Variants in BPIFB4 observed in about 807,000 individuals in gnomAD.
The protein encoded by BPIFB4 is BPI fold containing family B member 4.
In BPIFB4, 62 loss-of-function variants were observed where a neutral mutation model predicts 69.2. The ratio of observed to expected loss-of-function variants is 0.90; its 90% CI spans 0.73 to 1.11. The LOEUF is 1.11. Ranked by LOEUF, BPIFB4 falls within the 50% of genes least tolerant of loss-of-function variation. The pLI is 0.00. For missense variants in BPIFB4, 789 were observed against 792.0 expected (o/e 1.00, Z 0.04); for synonymous variants, 330 against 332.7 (o/e 0.99, Z 0.09).
rs897997601 is a variant in BPIFB4, at chr20:33,107,651, A to G, written c.1745-93A>G. On this transcript the variant is annotated intron_variant, in intron 16 of 17. Coordinates refer to ENST00000375483, the MANE Select transcript of BPIFB4 (RefSeq NM_182519.3). ...ACTCTGTCTCAAAAAAAGAAAAAAG[A>G]AATTGCCAATCTTCTTACAAATACT... The G allele has an allele frequency of 1.4e-5, 14 of 970,186 alleles. No individual in the cohort carries two copies. The African/African-American group carries it at 2.3e-4, about 16-fold the overall frequency. The allele number at this position is 970,186 out of a possible 1,614,324, so 60.1% of individuals were successfully genotyped here.
chr20:33,087,753 C>CACACACAA lies in BPIFB4; in HGVS notation c.927-1212_927-1211insCACACAAA, dbSNP rs56030970. On this transcript the variant is annotated intron_variant, in intron 7 of 17. Coordinates refer to ENST00000375483, the MANE Select transcript of BPIFB4 (RefSeq NM_182519.3). ...ACACACACACACACACACACACACA[C>CACACACAA]AAGCATGCATGCATACACACACATA... is the stretch of plus-strand genomic sequence containing the variant. 7.3e-3 allele frequency among the ~76,000 whole-genome samples: 1,028 copies of CACACACAA among 140,838 alleles called. 14 individuals carry two copies. Among genetic ancestry groups the CACACACAA allele is most frequent in the African/African-American group, 0.016 (592 of 37,062 alleles). 92.4% of individuals were successfully genotyped at this position (140,838 alleles called of 152,430 possible). A position where few individuals can be genotyped will look rare whatever the true frequency, so the allele number is the denominator to read the frequency against.
At position 33,093,919 on chromosome 20, in the gene BPIFB4, A is replaced by G. The variant is rs181490880; in HGVS notation, c.1345-1181A>G. Among the ~76,000 whole-genome samples the G allele has an allele frequency of 3.2e-4, 48 of 152,160 alleles. No individual in the cohort carries two copies. In the East Asian group the frequency reaches 8.9e-3, roughly 28 times the overall value. On this transcript the variant is annotated intron_variant, in intron 11 of 17. Transcript: ENST00000375483. Reference sequence around the variant, plus strand: ...CCACCCACTCACCCATTATCAATCTATCTGTCTGATCTGTCTGTCTGTCTC... The same window carrying G: ...CCACCCACTCACCCATTATCAATCTGTCTGTCTGATCTGTCTGTCTGTCTC...
chr20:33,096,799 G>C (rs79152157), intron 12 of BPIFB4, among the ~76,000 whole-genome samples: 3 of 152,202 alleles, frequency 2.0e-5, no homozygotes, highest in African/African-American at 7.2e-5. Flanking sequence ...TGGGCTGCAC[G>C]GAGTCACCAG....
At position 33,083,489 on chromosome 20, in the gene BPIFB4, C is replaced by T; in HGVS notation, c.292C>T (p.Gln98Ter). ...GHIETNDNTA[Q>*]LGGKYRYGEI... ...CATTGAGACCAACGACAACACTGCT[C>T]AGCTGGGGGGCAAATACCGATATGG... The change falls in exon 5 of 18, where the codon CAG becomes TAG. Residue 98 changes from glutamine (Q) to a stop codon, truncating the protein, a stop_gained. Transcript: ENST00000375483. LOFTEE classifies it high-confidence loss of function. 1.2e-6 allele frequency: 2 copies of T among 1,613,784 alleles called. No individual in the cohort carries two copies. The highest frequency in any genetic ancestry group is 1.7e-6 in the Non-Finnish European group (2 of 1,179,920).
At chr20:33,089,336 G>A (rs1179761077) in intron 8 of BPIFB4, among the ~76,000 whole-genome samples, 162 bp from the exon 9 acceptor site, 5 of 152,330 alleles carry the variant, frequency 3.3e-5, no homozygotes, top group East Asian at 1.9e-4. Context: ...ATCTGTAAGT[G>A]GGAATTAGAG....
At position 33,104,665 on chromosome 20, in the gene BPIFB4, G is replaced by A. The variant is rs528980440; in HGVS notation, c.1681-145G>A. 5.5e-3 allele frequency: 3,594 copies of A among 658,028 alleles called. 34 individuals carry two copies. Among genetic ancestry groups the A allele is most frequent in the Non-Finnish European group, 5.3e-3 (2,068 of 392,554 alleles). The allele number at this position is 658,028 out of a possible 1,614,324, so 40.8% of individuals were successfully genotyped here. A position where few individuals can be genotyped will look rare whatever the true frequency, so the allele number is the denominator to read the frequency against. On this transcript the variant is annotated intron_variant, in intron 15 of 17. Transcript: ENST00000375483. ...TAAGGCTGCCGGTGAGAAATTCTGGGGTCTCAGGGGTTCTGACTGCCAGAA... is the reference window on the plus strand; with the variant it reads ...TAAGGCTGCCGGTGAGAAATTCTGGAGTCTCAGGGGTTCTGACTGCCAGAA...
At chr20:33,111,216 C>CCCAAGG in intron 17 of BPIFB4, among the ~76,000 whole-genome samples, 198 bp from the exon 18 acceptor site, 1 of 152,294 alleles carries the variant, frequency 6.6e-6, no homozygotes, top group Non-Finnish European at 1.5e-5. Flanking sequence ...TGGGAAGTGT[C>CCCAAGG]TTGCCCAAGG....
rs184930108 is a variant in BPIFB4, at chr20:33,104,999, G to A, written c.1744+126G>A. On this transcript the variant is annotated intron_variant, in intron 16 of 17. Transcript: ENST00000375483. ...AGTATTTCTGAGCACTTCCTTTGAA[G>A]CGTGTCGATGAAAGCCTCCAAATCC... 1.4e-3 allele frequency: 1,283 copies of A among 939,174 alleles called. 3 individuals are homozygous for A. The highest frequency in any genetic ancestry group is 1.7e-3 in the Non-Finnish European group (1,129 of 647,940). The allele number at this position is 939,174 out of a possible 1,614,324, so 58.2% of individuals were successfully genotyped here. A position where few individuals can be genotyped will look rare whatever the true frequency, so the allele number is the denominator to read the frequency against.
chr20:33,095,246 T>A, intron 12 of BPIFB4, 93 bp downstream of exon 12: 1 of 1,346,418 alleles, frequency 7.4e-7, no homozygotes, highest in Non-Finnish European at 1.1e-6. Flanking sequence ...AGCGCTGGGG[T>A]GGGGTGCTCT....
At chr20:33,110,673 C>T (rs906907516) in intron 17 of BPIFB4, among the ~76,000 whole-genome samples, 12 of 151,886 alleles carry the variant, frequency 7.9e-5, no homozygotes, top group Non-Finnish European at 1.5e-4. Context: ...GGAATTCTAC[C>T]GAGGAAGAGC....
intron 14 of BPIFB4, among the ~76,000 whole-genome samples, chr20:33,101,840 C>A (rs538702219): frequency 6.6e-6 from 1 of 152,320 alleles, no homozygotes; most frequent in Non-Finnish European, 1.5e-5. Context: ...GCCACTGCAC[C>A]CGGCCTTCCT....
intron 2 of BPIFB4, among the ~76,000 whole-genome samples, chr20:33,080,813 G>T (rs932448438): frequency 7.9e-5 from 12 of 152,072 alleles, no homozygotes; most frequent in Non-Finnish European, 1.8e-4. Context: ...ATAGATGGAT[G>T]GGCAGGAGGA....
intron 17 of BPIFB4, among the ~76,000 whole-genome samples, chr20:33,109,286 T>G (rs1271404709): frequency 6.6e-6 from 1 of 150,708 alleles, no homozygotes; most frequent in African/African-American, 2.4e-5. Context: ...TGGCACAGGT[T>G]TATCTTCATC....
chr20:33,103,958 C>CT (rs1250016354), intron 15 of BPIFB4, among the ~76,000 whole-genome samples: 5 of 151,942 alleles, frequency 3.3e-5, no homozygotes, highest in Admixed American at 2.6e-4. Context: ...CTGAATTATG[C>CT]TTTTTTTTCT....
At position 33,102,275 on chromosome 20, in the gene BPIFB4, T is replaced by C. The variant is rs1600562516; in HGVS notation, c.1638-697T>C. Among the ~76,000 whole-genome samples, 4 of 152,368 alleles carry C rather than the reference T, an allele frequency of 2.6e-5. 1 individual carries two copies. The highest frequency in any genetic ancestry group is 6.8e-3 in the Middle Eastern group (2 of 294). On this transcript the variant is annotated intron_variant, in intron 14 of 17. Coordinates refer to ENST00000375483, the MANE Select transcript of BPIFB4 (RefSeq NM_182519.3). ...CTTGTTTCCTTAGAAGGTACCTTTA[T>C]TTCCCTCCTGCTGGACACCGAGCTG...
chr20:33,082,800 T>A lies in BPIFB4; in HGVS notation c.107-138T>A, dbSNP rs546346165. On this transcript the variant is annotated intron_variant, in intron 3 of 17. Transcript: ENST00000375483. Reference sequence around the variant, plus strand: ...CCAGGGCTAGATCAGCCTGGAGAAGTCATCCCGTTCAGCCTCTGCTCTTCG... The same window carrying A: ...CCAGGGCTAGATCAGCCTGGAGAAGACATCCCGTTCAGCCTCTGCTCTTCG... 218 of 810,912 alleles carry A rather than the reference T, an allele frequency of 2.7e-4. 1 individual carries two copies. The South Asian group carries it at 3.2e-3, about 12-fold the overall frequency. The allele number at this position is 810,912 out of a possible 1,614,324, so 50.2% of individuals were successfully genotyped here.
chr20:33,084,667 C>T (rs1171213264), intron 5 of BPIFB4, among the ~76,000 whole-genome samples: 7 of 152,192 alleles, frequency 4.6e-5, no homozygotes, highest in Admixed American at 4.6e-4. Flanking sequence ...AGGAAATATA[C>T]GGAATGCACA....
intron 15 of BPIFB4, among the ~76,000 whole-genome samples, chr20:33,104,402 G>T (rs182114302): frequency 6.6e-6 from 1 of 152,314 alleles, no homozygotes; most frequent in African/African-American, 2.4e-5. Context: ...CCTGCCCAGA[G>T]GCCCACGGAG....
chr20:33,096,644 T>C (rs1981763046), intron 12 of BPIFB4, among the ~76,000 whole-genome samples: 1 of 152,142 alleles, frequency 6.6e-6, no homozygotes, highest in African/African-American at 2.4e-5. Flanking sequence ...AAGCACACCA[T>C]TTACAGATGG....
Sources: gnomAD v4.1 joint callset for allele counts (sites outside exome capture counted in the v4.1 genomes callset) on GRCh38, gnomAD v4.1.1 for gene constraint, MANE v1.5 for transcripts, NCBI Gene and HGNC (gene_info 2026-07-23, HGNC 2026-07-21) for gene names.